Variants in MALRD1 observed in about 807,000 individuals in gnomAD.
The protein encoded by MALRD1 is MAM and LDL-receptor class A domain-containing protein 1.
Under a neutral mutation model 242.1 loss-of-function variants are expected in MALRD1, and 247 were observed. The observed-to-expected ratio is 1.02, with a 90% CI of 0.92 to 1.13. The LOEUF is 1.13. MALRD1 is among the 50% of genes most tolerant of loss of function. MALRD1 has a pLI of 0.00. For synonymous variants in MALRD1, 995 were observed against 866.6 expected (o/e 1.15, Z -2.60); for missense variants, 2,989 against 2,533.1 (o/e 1.18, Z -3.86).
intron 1 of MALRD1, among the ~76,000 whole-genome samples, chr10:19,058,349 A>T (rs988882329): frequency 8.5e-5 from 13 of 152,212 alleles, no homozygotes; most frequent in Admixed American, 2.0e-4. Flanking sequence ...GACACCAAAA[A>T]TTTCTAAAGA....
At chr10:19,174,325 A>C (rs1588652923) in intron 13 of MALRD1, among the ~76,000 whole-genome samples, 1 of 152,174 alleles carries the variant, frequency 6.6e-6, no homozygotes, top group African/African-American at 2.4e-5. Context: ...GAGGGACTCC[A>C]AGGTGCTGTA....
At chr10:19,606,918 A>G (rs751103881) in intron 34 of MALRD1, among the ~76,000 whole-genome samples, 2 of 152,168 alleles carry the variant, frequency 1.3e-5, no homozygotes, top group Non-Finnish European at 2.9e-5. Context: ...AGAACATAAT[A>G]CAATTTTAGG....
intron 32 of MALRD1, among the ~76,000 whole-genome samples, chr10:19,535,131 A>G (rs908019685): frequency 1.3e-5 from 2 of 152,002 alleles, no homozygotes; most frequent in Non-Finnish European, 2.9e-5. Context: ...TGATTCGCCC[A>G]CCTAGGCCTC....
At chr10:19,580,438 C>G (rs1337219048) in intron 33 of MALRD1, among the ~76,000 whole-genome samples, 1 of 152,130 alleles carries the variant, frequency 6.6e-6, no homozygotes, top group Non-Finnish European at 1.5e-5. Context: ...AGGGTTTTCA[C>G]TTTTCCACCT....
At chr10:19,690,271 C>T in intron 36 of MALRD1, among the ~76,000 whole-genome samples, 1 of 152,024 alleles carries the variant, frequency 6.6e-6, no homozygotes, top group Non-Finnish European at 1.5e-5. Context: ...ATTATTTTCT[C>T]ATGTTAACCG....
chr10:19,462,220 C>T (rs1835980641), intron 29 of MALRD1, among the ~76,000 whole-genome samples: 1 of 152,112 alleles, frequency 6.6e-6, no homozygotes, highest in Non-Finnish European at 1.5e-5. Context: ...GCAAACCAAC[C>T]ACTCTAGAGC....
intron 14 of MALRD1, among the ~76,000 whole-genome samples, chr10:19,195,973 A>G (rs568857627): frequency 3.9e-5 from 6 of 152,144 alleles, no homozygotes; most frequent in Admixed American, 1.3e-4. Flanking sequence ...ATGATCTGAC[A>G]TACTATTTCA....
In MALRD1 at chr10:19,612,619, T is replaced by TA. The variant is rs767494429; in HGVS notation, c.6071-3228dup. Among the ~76,000 whole-genome samples, 113 of 149,806 alleles carry TA rather than the reference T, an allele frequency of 7.5e-4. No individual in the cohort carries two copies. The East Asian group carries it at 0.016, about 21-fold the overall frequency. ...CATACCTGAGACTGGGTAGTTTATT[T>TA]AAAAAAAAAATAGGTTTCATTGGCT... On this transcript the variant is annotated intron_variant, in intron 35 of 39. Transcript: ENST00000454679.
intron 21 of MALRD1, among the ~76,000 whole-genome samples, chr10:19,289,344 A>T (rs775509342): frequency 6.6e-6 from 1 of 152,182 alleles, no homozygotes; most frequent in South Asian, 2.1e-4. Context: ...GTGATTTCCC[A>T]ATGTGTTGCA....
intron 13 of MALRD1, among the ~76,000 whole-genome samples, chr10:19,174,202 A>T (rs1835125637): frequency 6.6e-6 from 1 of 152,192 alleles, no homozygotes; most frequent in Admixed American, 6.5e-5. Context: ...ATCCAGGTAT[A>T]GATAGGGTAG....
At chr10:19,664,788 T>C (rs1033808208) in intron 36 of MALRD1, among the ~76,000 whole-genome samples, 13 of 152,096 alleles carry the variant, frequency 8.5e-5, no homozygotes, top group South Asian at 4.1e-4. Context: ...TGTTTGTGTA[T>C]CTTTACCTTT....
At chr10:19,334,552 G>A (rs1280931784) in intron 24 of MALRD1, among the ~76,000 whole-genome samples, 2 of 151,786 alleles carry the variant, frequency 1.3e-5, no homozygotes, top group Non-Finnish European at 2.9e-5. Flanking sequence ...GATAATTACT[G>A]TATCAGTTGA....
chr10:19,578,639 C>A (rs888908392), intron 33 of MALRD1, among the ~76,000 whole-genome samples: 3 of 151,608 alleles, frequency 2.0e-5, no homozygotes, highest in Non-Finnish European at 4.4e-5. Context: ...TTGCAGTGAG[C>A]TGAGATCATG....
At chr10:19,652,932 G>A (rs1589362692) in intron 36 of MALRD1, among the ~76,000 whole-genome samples, 1 of 152,282 alleles carries the variant, frequency 6.6e-6, no homozygotes, top group Non-Finnish European at 1.5e-5. Context: ...CTGTCTAAGT[G>A]CCAGACATTC....
intron 13 of MALRD1, among the ~76,000 whole-genome samples, chr10:19,174,943 A>G (rs142573639): frequency 2.1e-4 from 32 of 152,240 alleles, no homozygotes; most frequent in South Asian, 1.0e-3. Flanking sequence ...AATGGCTCCA[A>G]TGAGAAGAGA....
At chr10:19,391,481 C>A (rs1846334277) in intron 28 of MALRD1, among the ~76,000 whole-genome samples, 1 of 152,164 alleles carries the variant, frequency 6.6e-6, no homozygotes. Context: ...AGATGGTAAG[C>A]CCAATAAAGG....
intron 18 of MALRD1, among the ~76,000 whole-genome samples, chr10:19,222,238 G>A (rs1435001160): frequency 6.6e-6 from 1 of 151,942 alleles, no homozygotes; most frequent in African/African-American, 2.4e-5. Flanking sequence ...TCTGCTCATA[G>A]ATACTGCCAA....
chr10:19,729,984 G>A (rs1187612957), intron 38 of MALRD1, among the ~76,000 whole-genome samples: 3 of 151,886 alleles, frequency 2.0e-5, no homozygotes, highest in African/African-American at 4.8e-5. Context: ...TGATCCGCCC[G>A]CCTCGGCCTC....
At chr10:19,149,019 A>G in intron 11 of MALRD1, among the ~76,000 whole-genome samples, 1 of 151,918 alleles carries the variant, frequency 6.6e-6, no homozygotes, top group East Asian at 1.9e-4. Context: ...GTTCTAGTTC[A>G]TTTTGTTCTT....
Sources: allele counts gnomAD v4.1 joint callset (sites outside exome capture counted in the v4.1 genomes callset), GRCh38; gene constraint gnomAD v4.1.1; transcripts MANE v1.5; gene names NCBI Gene and HGNC (gene_info 2026-07-23, HGNC 2026-07-21).